BNC2: variants seen among roughly 807,000 people sequenced by gnomAD.
BNC2 encodes the protein basonuclin zinc finger protein 2.
BNC2 carries 20 observed loss-of-function variants against 76.3 expected under a neutral mutation model. The observed-to-expected ratio is 0.26, with a 90% confidence interval of 0.18 to 0.38. BNC2 has a LOEUF of 0.38. Ranked by LOEUF, BNC2 falls within the 10% of genes least tolerant of loss-of-function variation. The pLI is 1.00. For missense variants in BNC2, 1,382 were observed against 1,399.8 expected (o/e 0.99, Z 0.20); for synonymous variants, 582 against 514.8 (o/e 1.13, Z -1.77).
chr9:16,485,519 A>T (rs1199090661), intron 5 of BNC2, among the ~76,000 whole-genome samples: 4 of 152,198 alleles, frequency 2.6e-5, no homozygotes, highest in African/African-American at 9.7e-5. Flanking sequence ...GCATTAACCC[A>T]GTCAAGGGAT....
At chr9:16,444,841 A>G (rs184714340) in intron 5 of BNC2, among the ~76,000 whole-genome samples, 1 of 152,356 alleles carries the variant, frequency 6.6e-6, no homozygotes, top group African/African-American at 2.4e-5. Flanking sequence ...TAATAAGCAG[A>G]TATTTCAACC....
chr9:16,855,671 G>A (rs13291314), intron 1 of BNC2, among the ~76,000 whole-genome samples: 4,087 of 151,608 alleles, frequency 0.027, 103 homozygotes, highest in Admixed American at 0.069. Flanking sequence ...CCACGTAGCT[G>A]GGACTACAGG....
At chr9:16,803,556 G>A (rs1012266368) in intron 1 of BNC2, among the ~76,000 whole-genome samples, 3 of 152,138 alleles carry the variant, frequency 2.0e-5, no homozygotes, top group Non-Finnish European at 4.4e-5. Context: ...TGCAATGAAG[G>A]GAAGGACATG....
chr9:16,687,901 A>T (rs1253940928), intron 3 of BNC2, among the ~76,000 whole-genome samples: 1 of 152,314 alleles, frequency 6.6e-6, no homozygotes, highest in East Asian at 1.9e-4. Flanking sequence ...GAGAAAACAT[A>T]AAGGTCTGTG....
chr9:16,480,088 G>A (rs1822013795), intron 5 of BNC2, among the ~76,000 whole-genome samples: 1 of 152,094 alleles, frequency 6.6e-6, no homozygotes, highest in South Asian at 2.1e-4. Flanking sequence ...AACATCATTC[G>A]ATACATGTAA....
intron 1 of BNC2, among the ~76,000 whole-genome samples, chr9:16,778,969 G>C (rs1395647367): frequency 1.3e-5 from 2 of 151,950 alleles, no homozygotes; most frequent in Non-Finnish European, 2.9e-5. Context: ...GGATGGCAGT[G>C]GTAATGCAAT....
At chr9:16,700,828 G>A (rs72706007) in intron 3 of BNC2, among the ~76,000 whole-genome samples, 7 of 152,046 alleles carry the variant, frequency 4.6e-5, no homozygotes, top group Admixed American at 1.3e-4. Context: ...TTAACTGAGC[G>A]TGGTGGCACA....
chr9:16,557,067 G>C (rs1027368611), intron 4 of BNC2, among the ~76,000 whole-genome samples: 5 of 152,134 alleles, frequency 3.3e-5, no homozygotes, highest in Non-Finnish European at 7.3e-5. Context: ...TTAGGAATAT[G>C]AGTTAGGCCA....
At chr9:16,511,266 T>C (rs905443236) in intron 5 of BNC2, among the ~76,000 whole-genome samples, 2 of 151,612 alleles carry the variant, frequency 1.3e-5, no homozygotes, top group East Asian at 2.0e-4. Context: ...CCTGACACCA[T>C]GTCTGGCTGG....
At chr9:16,513,796 C>T (rs1822815338) in intron 5 of BNC2, among the ~76,000 whole-genome samples, 1 of 152,042 alleles carries the variant, frequency 6.6e-6, no homozygotes, top group Non-Finnish European at 1.5e-5. Context: ...AGTCATGGGC[C>T]TGGGGATTAG....
intron 1 of BNC2, among the ~76,000 whole-genome samples, chr9:16,784,280 G>A (rs1168888254): frequency 6.6e-6 from 1 of 152,110 alleles, no homozygotes; most frequent in East Asian, 1.9e-4. Flanking sequence ...GTTGCCCTAA[G>A]GTCTTTGCAG....
At chr9:16,822,499 T>TA (rs1196479353) in intron 1 of BNC2, among the ~76,000 whole-genome samples, 8 of 152,296 alleles carry the variant, frequency 5.3e-5, no homozygotes, top group East Asian at 1.9e-4. Flanking sequence ...GTGAACTAGT[T>TA]AGTTTCCCCC....
intron 5 of BNC2, among the ~76,000 whole-genome samples, chr9:16,458,554 A>C (rs1248378645): frequency 1.3e-5 from 2 of 152,230 alleles, no homozygotes; most frequent in African/African-American, 4.8e-5. Context: ...GAGTCATGAG[A>C]TAATTTAGGG....
At chr9:16,684,773 T>G (rs1053570601) in intron 3 of BNC2, among the ~76,000 whole-genome samples, 3 of 152,106 alleles carry the variant, frequency 2.0e-5, no homozygotes, top group African/African-American at 7.2e-5. Context: ...TATTATTATG[T>G]ACATAGAAAT....
intron 3 of BNC2, among the ~76,000 whole-genome samples, chr9:16,598,772 A>G (rs1820163399): frequency 6.6e-6 from 1 of 152,240 alleles, no homozygotes; most frequent in South Asian, 2.1e-4. Context: ...AAACAGACTC[A>G]TCACAGCTTA....
chr9:16,457,623 G>T (rs1251580434), intron 5 of BNC2, among the ~76,000 whole-genome samples: 1 of 152,200 alleles, frequency 6.6e-6, no homozygotes, highest in Non-Finnish European at 1.5e-5. Flanking sequence ...CACAGTTTTT[G>T]TGGGAGTGGT....
intron 5 of BNC2, among the ~76,000 whole-genome samples, chr9:16,440,039 GA>G (rs1821094756): frequency 6.6e-6 from 1 of 152,176 alleles, no homozygotes; most frequent in Non-Finnish European, 1.5e-5. Context: ...TCTGCTTTTG[GA>G]ACAGGGGTAA....
chr9:16,699,256 T>C (rs1823437629), intron 3 of BNC2: 2 of 468,274 alleles, frequency 4.3e-6, no homozygotes, highest in African/African-American at 2.0e-5. Context: ...AAAAGTCCCT[T>C]ATAGAAGCAT....
chr9:16,670,883 C>T (rs184644579), intron 3 of BNC2, among the ~76,000 whole-genome samples: 38 of 152,254 alleles, frequency 2.5e-4, no homozygotes, highest in African/African-American at 4.6e-4. Flanking sequence ...CTCTCTGTCA[C>T]GTCTCTTATT....
Sources: allele counts gnomAD v4.1 joint callset (sites outside exome capture counted in the v4.1 genomes callset), GRCh38; gene constraint gnomAD v4.1.1; transcripts MANE v1.5; gene names NCBI Gene and HGNC (gene_info 2026-07-23, HGNC 2026-07-21).